The following DMD variants were observed in gnomAD, a reference collection of about 807,000 sequenced individuals.
DMD encodes dystrophin.
Under a neutral mutation model 330.1 loss-of-function variants are expected in DMD, and 63 were observed. That is an observed-to-expected ratio of 0.19 (90% CI 0.16 to 0.24). The LOEUF (loss-of-function observed/expected upper bound fraction) is 0.24. Among genes scored for constraint, DMD ranks in the 10% least tolerant of loss-of-function variants. The probability of loss-of-function intolerance (pLI) is 1.00; values close to 1 mark genes in which losing one functional copy is unlikely to be tolerated. For missense variants in DMD, 3,344 were observed against 2,684.1 expected (o/e 1.25, Z -5.43); for synonymous variants, 1,223 against 959.8 (o/e 1.27, Z -5.07).
rs12007819 is a variant in DMD, at chrX:33,174,650, T to C, written c.31+36632A>G. ...TAAGGAATTTAGAGAAGCTCAGTCA[T>C]GAAATTAGGGTAAACTTCAAACAAG... On this transcript the variant is annotated intron_variant, in intron 1 of 78. Transcript: ENST00000357033. 0.044 allele frequency among the ~76,000 whole-genome samples: 4,875 copies of C among 110,965 alleles called. 293 individuals carry two copies. Among genetic ancestry groups the C allele is most frequent in the African/African-American group, 0.15 (4,605 of 30,418 alleles).
chrX:32,227,216 C>T (rs184391625), intron 43 of DMD, among the ~76,000 whole-genome samples: 3,920 of 86,504 alleles, frequency 0.045, 98 homozygotes, highest in Non-Finnish European at 0.056. Flanking sequence ...GAATGTATTC[C>T]ATTGTGTAGT....
intron 52 of DMD, among the ~76,000 whole-genome samples, chrX:31,687,033 A>C (rs999205544): frequency 9.0e-6 from 1 of 111,394 alleles, no homozygotes; most frequent in African/African-American, 3.3e-5. Flanking sequence ...TCCAGGCCCT[A>C]GTTCCTGGAT....
chrX:31,267,503 T>A (rs375975166), intron 62 of DMD, among the ~76,000 whole-genome samples: 2 of 111,929 alleles, frequency 1.8e-5, no homozygotes, highest in East Asian at 5.6e-4. Context: ...CAGTTATCAG[T>A]ATCACCTGCG....
At position 32,862,992 on chromosome X, in the gene DMD, C is replaced by T. The variant is rs150939192; in HGVS notation, c.94-13172G>A. ...GACCTCGTGATCCACCTGCCTCAGC[C>T]TCCCAAAGTGCTGAGATTTACAGGC... On this transcript the variant is annotated intron_variant, in intron 2 of 78. Transcript: ENST00000357033. 8.0e-3 allele frequency among the ~76,000 whole-genome samples: 889 copies of T among 110,707 alleles called. 8 individuals are homozygous for T. The highest frequency in any genetic ancestry group is 0.048 in the East Asian group (166 of 3,465).
At chrX:31,969,897 T>A (rs769748586) in intron 44 of DMD, among the ~76,000 whole-genome samples, 1 of 111,376 alleles carries the variant, frequency 9.0e-6, no homozygotes, top group African/African-American at 3.3e-5. Context: ...AGTAAACATG[T>A]GATATTTCCT....
At chrX:32,606,242 T>C (rs2056688716) in intron 12 of DMD, among the ~76,000 whole-genome samples, 1 of 110,545 alleles carries the variant, frequency 9.0e-6, no homozygotes, top group African/African-American at 3.3e-5. Context: ...TCAATTGTTT[T>C]AATTTTTAGA....
chrX:32,793,134 AGAAACTTTG>A (rs1330873753), intron 7 of DMD, among the ~76,000 whole-genome samples: 2 of 112,332 alleles, frequency 1.8e-5, no homozygotes, highest in Non-Finnish European at 3.8e-5. Flanking sequence ...TAACAAAAAG[AGAAACTTTG>A]GAACCTGTAC....
At chrX:32,358,177 C>G (rs768848525) in intron 37 of DMD, among the ~76,000 whole-genome samples, 1 of 111,267 alleles carries the variant, frequency 9.0e-6, no homozygotes, top group Non-Finnish European at 1.9e-5. Context: ...CCTCAACTAG[C>G]ATCTCTCCCA....
chrX:32,611,205 A>T (rs962949034), intron 12 of DMD, among the ~76,000 whole-genome samples: 12 of 48,314 alleles, frequency 2.5e-4, no homozygotes, highest in Middle Eastern at 6.3e-3. Flanking sequence ...TAATTTTTAT[A>T]AAAAAAAAAT....
chrX:32,390,133 T>C lies in DMD; in HGVS notation c.4282A>G (p.Lys1428Glu). The change falls in exon 31 of 79, where the codon AAG (lysine) becomes GAG (glutamate). Residue 1428 changes from lysine to glutamate, a missense_variant. Lys to Glu is a moderately conservative substitution (Grantham distance 56, BLOSUM62 1). Transcript: ENST00000357033. ...TSHEISLEEMKKHNQGKEAAQ... is the reference protein window; with the variant it reads ...TSHEISLEEMEKHNQGKEAAQ... ...GCCTCCTTCCCCTGATTATGTTTCT[T>C]CATTTCTTCTAAACTGATCTCATGA... 8.3e-7 allele frequency: 1 copy of C among 1,210,566 alleles called. No individual in the cohort carries two copies. The highest frequency in any genetic ancestry group is 1.1e-6 in the Non-Finnish European group (1 of 894,440).
At chrX:31,452,178 T>A (rs1209534804) in intron 59 of DMD, among the ~76,000 whole-genome samples, 1 of 106,420 alleles carries the variant, frequency 9.4e-6, no homozygotes, top group Non-Finnish European at 1.9e-5. Flanking sequence ...TCAGTAATTA[T>A]ATTTTAACTA....
At chrX:33,294,090 G>A (rs982650980) in intron 1 of DMD, among the ~76,000 whole-genome samples, 1 of 111,478 alleles carries the variant, frequency 9.0e-6, no homozygotes, top group Non-Finnish European at 1.9e-5. Context: ...TCTATCCAGA[G>A]TAAAGTTTCT....
chrX:31,574,203 A>G (rs1378551724), intron 55 of DMD, among the ~76,000 whole-genome samples: 2 of 90,321 alleles, frequency 2.2e-5, no homozygotes, highest in Non-Finnish European at 4.2e-5. Flanking sequence ...GAGTGCAGTG[A>G]CTCGATCTCG....
At chrX:33,277,719 A>G (rs971838184) in intron 1 of DMD, among the ~76,000 whole-genome samples, 3 of 111,521 alleles carry the variant, frequency 2.7e-5, no homozygotes, top group Admixed American at 9.5e-5. Flanking sequence ...ATTCTGCTAT[A>G]TCTATGGATC....
intron 1 of DMD, among the ~76,000 whole-genome samples, chrX:33,335,760 A>G (rs1032002670): frequency 7.2e-5 from 8 of 111,216 alleles, no homozygotes; most frequent in African/African-American, 2.6e-4. Context: ...CCAATTTTAT[A>G]GAACTATGCT....
chrX:32,859,484 C>T (rs2081899075), intron 2 of DMD, among the ~76,000 whole-genome samples: 1 of 92,699 alleles, frequency 1.1e-5, no homozygotes, highest in Admixed American at 1.1e-4. Context: ...CACACACACA[C>T]ACACACACAC....
At chrX:33,021,251 G>C (rs1421521194) in intron 1 of DMD, among the ~76,000 whole-genome samples, 1 of 111,004 alleles carries the variant, frequency 9.0e-6, no homozygotes, top group Non-Finnish European at 1.9e-5. Flanking sequence ...CAGCTTCACT[G>C]AATTCATGCT....
At chrX:32,476,097 G>A (rs1052178821) in intron 21 of DMD, among the ~76,000 whole-genome samples, 2 of 111,215 alleles carry the variant, frequency 1.8e-5, no homozygotes, top group African/African-American at 6.5e-5. Flanking sequence ...AGGGGACTAT[G>A]GGCAGACACA....
intron 18 of DMD, among the ~76,000 whole-genome samples, chrX:32,513,679 C>T (rs759207604): frequency 4.5e-5 from 5 of 111,560 alleles, no homozygotes; most frequent in Non-Finnish European, 7.5e-5. Flanking sequence ...ATCAGGCAAA[C>T]ATCAATTAAA....
Sources: allele counts gnomAD v4.1 joint callset (sites outside exome capture counted in the v4.1 genomes callset), GRCh38; gene constraint gnomAD v4.1.1; transcripts MANE v1.5; gene names NCBI Gene and HGNC (gene_info 2026-07-23, HGNC 2026-07-21).